Variants in ZHX2 observed in about 807,000 individuals in gnomAD.
ZHX2 encodes zinc fingers and homeoboxes protein 2.
Under a neutral mutation model 21.9 loss-of-function variants are expected in ZHX2, and 6 were observed. The ratio of observed to expected loss-of-function variants is 0.27; its 90% CI spans 0.15 to 0.54. The LOEUF (loss-of-function observed/expected upper bound fraction) is 0.54. Among genes scored for constraint, ZHX2 ranks in the 20% least tolerant of loss-of-function variants. ZHX2 has a pLI of 0.95. For synonymous variants in ZHX2, 434 were observed against 437.1 expected (o/e 0.99, Z 0.09); for missense variants, 908 against 1,090.7 (o/e 0.83, Z 2.36).
chr8:122,922,447 C>T (rs1438183017), intron 2 of ZHX2, among the ~76,000 whole-genome samples: 1 of 152,178 alleles, frequency 6.6e-6, no homozygotes, highest in Non-Finnish European at 1.5e-5. Flanking sequence ...CTGCAGAAAA[C>T]TCATAGCAGA....
chr8:122,859,265 T>C (rs1029174202), intron 1 of ZHX2, among the ~76,000 whole-genome samples: 12 of 152,144 alleles, frequency 7.9e-5, no homozygotes, highest in African/African-American at 2.9e-4. Flanking sequence ...AAAACAGAAC[T>C]GATTAAGTGA....
chr8:122,854,241 C>T (rs1230798756), intron 1 of ZHX2, among the ~76,000 whole-genome samples: 1 of 152,304 alleles, frequency 6.6e-6, no homozygotes, highest in South Asian at 2.1e-4. Flanking sequence ...TGAGTCCTCA[C>T]CCCACACTTG....
At chr8:122,901,925 T>G (rs1220071216) in intron 2 of ZHX2, among the ~76,000 whole-genome samples, 1 of 152,086 alleles carries the variant, frequency 6.6e-6, no homozygotes, top group Admixed American at 6.6e-5. Flanking sequence ...AGTCTCCAGA[T>G]GTGAAAAATA....
intron 2 of ZHX2, among the ~76,000 whole-genome samples, chr8:122,910,265 G>A (rs1297207313): frequency 6.6e-6 from 1 of 152,166 alleles, no homozygotes; most frequent in Non-Finnish European, 1.5e-5. Context: ...GACTCTAAAA[G>A]TAGGTCTCGG....
chr8:122,963,715 G>A (rs1034000184), intron 3 of ZHX2, among the ~76,000 whole-genome samples: 12 of 152,142 alleles, frequency 7.9e-5, no homozygotes, highest in Admixed American at 2.0e-4. Flanking sequence ...GCTTTTGGTA[G>A]TATGGTCATT....
chr8:122,917,473 T>A (rs1820633396), intron 2 of ZHX2, among the ~76,000 whole-genome samples: 2 of 152,128 alleles, frequency 1.3e-5, no homozygotes, highest in Non-Finnish European at 2.9e-5. Flanking sequence ...CCACCCCATG[T>A]TACTTTCTAC....
rs1819455631 is a variant in ZHX2, at chr8:122,872,099, T to C, written c.-220+8560T>C. On this transcript the variant is annotated intron_variant, in intron 2 of 3. Transcript: ENST00000314393. ...CAGGTATCACCATGACCAATGGGAA[T>C]GTGCCGCATCCTTCAGGTCTGCAGG... Among the ~76,000 whole-genome samples, 3 of 152,194 alleles carry C rather than the reference T, an allele frequency of 2.0e-5. No individual in the cohort carries two copies. The South Asian group carries it at 6.2e-4, about 32-fold the overall frequency.
chr8:122,791,021 A>C (rs1260123515), intron 1 of ZHX2, among the ~76,000 whole-genome samples: 1 of 152,250 alleles, frequency 6.6e-6, no homozygotes, highest in East Asian at 1.9e-4. Flanking sequence ...GATGTTCATC[A>C]AGCCTGGGCA....
chr8:122,881,509 G>A (rs544639342), intron 2 of ZHX2, among the ~76,000 whole-genome samples: 20 of 152,234 alleles, frequency 1.3e-4, no homozygotes, highest in African/African-American at 4.1e-4. Context: ...ATATTGTTGC[G>A]CTTAGAACAA....
intron 2 of ZHX2, among the ~76,000 whole-genome samples, chr8:122,943,627 G>T (rs1388413098): frequency 6.6e-6 from 1 of 152,236 alleles, no homozygotes; most frequent in Non-Finnish European, 1.5e-5. Flanking sequence ...AGTTCCAGAT[G>T]AAAAGTGAAG....
intron 1 of ZHX2, among the ~76,000 whole-genome samples, chr8:122,845,037 C>T (rs1387870804): frequency 6.6e-6 from 1 of 152,226 alleles, no homozygotes; most frequent in Non-Finnish European, 1.5e-5. Flanking sequence ...CCTGGTCTCC[C>T]TGTGCCCAAA....
chr8:122,970,563 C>G (rs1813695328), intron 3 of ZHX2, among the ~76,000 whole-genome samples: 1 of 152,222 alleles, frequency 6.6e-6, no homozygotes, highest in Non-Finnish European at 1.5e-5. Flanking sequence ...CTCCACAGCT[C>G]TTTCCACCCC....
At chr8:122,943,039 A>G (rs915182899) in intron 2 of ZHX2, among the ~76,000 whole-genome samples, 1 of 152,110 alleles carries the variant, frequency 6.6e-6, no homozygotes, top group African/African-American at 2.4e-5. Flanking sequence ...AGGTGGGTGG[A>G]TCACCTGAGG....
intron 1 of ZHX2, among the ~76,000 whole-genome samples, chr8:122,807,359 A>G (rs1194965815): frequency 6.6e-6 from 1 of 152,206 alleles, no homozygotes; most frequent in African/African-American, 2.4e-5. Context: ...ATATTTGTTG[A>G]CTCAGGGAAC....
chr8:122,890,861 A>G (rs34841130), intron 2 of ZHX2, among the ~76,000 whole-genome samples: 2 of 152,098 alleles, frequency 1.3e-5, no homozygotes, highest in East Asian at 3.8e-4. Context: ...TTTTTAGTGG[A>G]GCCTAGCTTT....
intron 2 of ZHX2, among the ~76,000 whole-genome samples, chr8:122,877,612 G>A (rs956014029): frequency 3.9e-5 from 6 of 152,158 alleles, no homozygotes; most frequent in African/African-American, 9.7e-5. Context: ...ATCAAAACAC[G>A]AACTACAGTA....
At chr8:122,819,888 A>C (rs956582603) in intron 1 of ZHX2, among the ~76,000 whole-genome samples, 8 of 152,198 alleles carry the variant, frequency 5.3e-5, no homozygotes, top group Non-Finnish European at 8.8e-5. Context: ...GAGAGCCTGC[A>C]GAAAATATCT....
chr8:122,852,804 C>T (rs1265004657), intron 1 of ZHX2, among the ~76,000 whole-genome samples: 1 of 152,084 alleles, frequency 6.6e-6, no homozygotes, highest in Non-Finnish European at 1.5e-5. Context: ...TTCTTGCTTG[C>T]ATCTTGCCAT....
chr8:122,789,321 GTTC>G (rs1182518189), intron 1 of ZHX2, among the ~76,000 whole-genome samples: 4 of 152,214 alleles, frequency 2.6e-5, no homozygotes, highest in African/African-American at 9.7e-5. Flanking sequence ...CGTTCCCGCT[GTTC>G]TTAAAATATG....
Sources: gnomAD v4.1 joint callset for allele counts (sites outside exome capture counted in the v4.1 genomes callset) on GRCh38, gnomAD v4.1.1 for gene constraint, MANE v1.5 for transcripts, NCBI Gene and HGNC (gene_info 2026-07-23, HGNC 2026-07-21) for gene names.